SLC23A2: variants seen among roughly 807,000 people sequenced by gnomAD.
The protein encoded by SLC23A2 is Na(+)/L-ascorbic acid transporter 2.
Under a neutral mutation model 73.3 loss-of-function variants are expected in SLC23A2, and 36 were observed. That is an observed-to-expected ratio of 0.49 (90% confidence interval 0.38 to 0.65). The LOEUF (loss-of-function observed/expected upper bound fraction) is 0.65. SLC23A2 is among the 30% of genes least tolerant of loss of function. The probability of loss-of-function intolerance (pLI) is 0.00; values close to 1 mark genes in which losing one functional copy is unlikely to be tolerated. For synonymous variants in SLC23A2, 343 were observed against 327.3 expected (o/e 1.05, Z -0.52); for missense variants, 507 against 841.6 (o/e 0.60, Z 4.92).
intron 8 of SLC23A2, 50 bp downstream of exon 8, chr20:4,884,703 G>C (rs1278539406): frequency 7.8e-7 from 1 of 1,282,298 alleles, no homozygotes; most frequent in Admixed American, 1.7e-5. Context: ...CAACATTGAA[G>C]CTGAGAAGAA....
rs751863955 is a variant in SLC23A2 at position 4,932,463 on chromosome 20, T to C, written c.100A>G (p.Thr34Ala). The C allele has an allele frequency of 1.3e-6, 2 of 1,558,410 alleles. No individual in the cohort carries two copies. The highest frequency in any genetic ancestry group is 2.2e-5 in the South Asian group (2 of 89,996). Residue 34 changes from threonine (T) to alanine (A), a missense_variant, in exon 3 of 17, where the codon ACT (threonine) becomes GCT (alanine). Around this residue, in one of 5 missense-constraint regions of SLC23A2, gnomAD observed 78 missense variants for 86.7 expected, o/e 0.90. Transcript: ENST00000338244. ...EDEAKHPAFFTLPVVINGGAT... is the reference protein window; with the variant it reads ...EDEAKHPAFFALPVVINGGAT... ...ATGGGGAATATGATTACCGGAAGAG[T>C]GAAGAAAGCTGGGTGCTTTGCCTCG...
chr20:4,867,625 T>TAAAAAAAAAA (rs11476144), intron 13 of SLC23A2, 145 bp downstream of exon 13: 4 of 296,184 alleles, frequency 1.4e-5, no homozygotes, highest in African/African-American at 9.3e-5. Flanking sequence ...TATAAACACT[T>TAAAAAAAAAA]AAAAAAAAAA....
In SLC23A2 at chr20:4,991,720, T is replaced by TCG. The variant is rs1555809316; in HGVS notation, c.-282+9685_-282+9686insCG. The stretch of plus-strand genomic sequence containing the variant: ...CTGGGTGACAGAGAGAGACTCCGTT[T>TCG]CACACACACACACACACACACACAC... On this transcript the variant is annotated intron_variant, in intron 1 of 16. Coordinates refer to ENST00000338244, the MANE Select transcript of SLC23A2 (RefSeq NM_005116.6). Among the ~76,000 whole-genome samples the TCG allele has an allele frequency of 7.2e-5, 10 of 139,426 alleles. 1 individual carries two copies. In the South Asian group the frequency reaches 2.4e-3, roughly 33 times the overall value. 91.5% of individuals were successfully genotyped at this position (139,426 alleles called of 152,430 possible). A position where few individuals can be genotyped will look rare whatever the true frequency, so the allele number is the denominator to read the frequency against.
chr20:4,948,850 A>G (rs2087155799), intron 2 of SLC23A2, among the ~76,000 whole-genome samples: 1 of 152,194 alleles, frequency 6.6e-6, no homozygotes, highest in Admixed American at 6.5e-5. Flanking sequence ...GACATTTTTT[A>G]ATAACCCAAA....
chr20:4,989,347 A>T (rs1476071418), intron 1 of SLC23A2, among the ~76,000 whole-genome samples: 1 of 151,996 alleles, frequency 6.6e-6, no homozygotes, highest in African/African-American at 2.4e-5. Flanking sequence ...AATGCTTGGG[A>T]CCAGAAGTGT....
upstream of SLC23A2, among the ~76,000 whole-genome samples, chr20:5,006,307 C>A (rs1351543700): frequency 6.6e-6 from 1 of 151,848 alleles, no homozygotes; most frequent in Non-Finnish European, 1.5e-5. Flanking sequence ...CCATCTTGGC[C>A]AGGCTGGTAT....
intron 2 of SLC23A2, among the ~76,000 whole-genome samples, chr20:4,967,863 G>A (rs1568647163): frequency 6.6e-6 from 1 of 152,188 alleles, no homozygotes; most frequent in African/African-American, 2.4e-5. Flanking sequence ...AGCAGAATGG[G>A]TGTTCTCAGC....
At chr20:4,891,395 A>G (rs1343037689) in intron 6 of SLC23A2, among the ~76,000 whole-genome samples, 1 of 152,196 alleles carries the variant, frequency 6.6e-6, no homozygotes, top group Non-Finnish European at 1.5e-5. Context: ...CAGAAAAGCT[A>G]GAGTTGCAGG....
intron 11 of SLC23A2, among the ~76,000 whole-genome samples, chr20:4,871,446 A>G (rs983259018): frequency 6.6e-6 from 1 of 152,128 alleles, no homozygotes; most frequent in African/African-American, 2.4e-5. Flanking sequence ...GTTCTGGTGA[A>G]CGCAGAGCTC....
At chr20:4,928,958 G>A (rs962230592) in intron 3 of SLC23A2, among the ~76,000 whole-genome samples, 3 of 152,122 alleles carry the variant, frequency 2.0e-5, no homozygotes, top group African/African-American at 7.2e-5. Context: ...CCGTACGCAA[G>A]AAACATGTAT....
chr20:4,993,340 C>A (rs1488818933), intron 1 of SLC23A2, among the ~76,000 whole-genome samples: 1 of 134,932 alleles, frequency 7.4e-6, no homozygotes. Context: ...CTCACTGAAG[C>A]ATTCTGAATT....
At chr20:5,003,407 AAAC>A (rs372379838), upstream of SLC23A2, among the ~76,000 whole-genome samples, 198 of 152,208 alleles carry the variant, frequency 1.3e-3, 1 homozygote, top group South Asian at 0.011. Flanking sequence ...AACAAAACAA[AAAC>A]AACAACAACA....
chr20:4,923,529 A>T (rs536926732), intron 3 of SLC23A2, among the ~76,000 whole-genome samples: 2 of 152,198 alleles, frequency 1.3e-5, no homozygotes, highest in South Asian at 4.1e-4. Flanking sequence ...CAGAAATAGG[A>T]GAATTAAACC....
chr20:4,977,606 G>A (rs1252428712), intron 1 of SLC23A2, among the ~76,000 whole-genome samples: 2 of 151,290 alleles, frequency 1.3e-5, no homozygotes, highest in South Asian at 2.1e-4. Flanking sequence ...GCTGAGGCAG[G>A]AGAATCACCT....
chr20:4,864,343 C>A (rs371242731), intron 13 of SLC23A2, among the ~76,000 whole-genome samples: 11 of 152,178 alleles, frequency 7.2e-5, no homozygotes, highest in African/African-American at 1.9e-4. Flanking sequence ...TGCACAGAAC[C>A]CTCAAAGGAC....
chr20:4,959,907 A>G (rs1044870722), intron 2 of SLC23A2, among the ~76,000 whole-genome samples: 2 of 151,892 alleles, frequency 1.3e-5, no homozygotes, highest in African/African-American at 4.8e-5. Flanking sequence ...CCTCAGCCTC[A>G]TAAGTAGAGA....
chr20:4,917,189 T>G (rs929021299), intron 3 of SLC23A2, among the ~76,000 whole-genome samples: 1 of 151,626 alleles, frequency 6.6e-6, no homozygotes, highest in African/African-American at 2.4e-5. Context: ...AGAACAGGAG[T>G]GCCACAATCA....
intron 4 of SLC23A2, among the ~76,000 whole-genome samples, chr20:4,912,302 G>A (rs1345067265): frequency 6.6e-6 from 1 of 151,982 alleles, no homozygotes; most frequent in African/African-American, 2.4e-5. Flanking sequence ...GCACACTAAG[G>A]TGCCAAAGGT....
chr20:4,935,716 G>A (rs1050433891), intron 2 of SLC23A2, among the ~76,000 whole-genome samples: 3 of 152,084 alleles, frequency 2.0e-5, no homozygotes, highest in East Asian at 1.9e-4. Flanking sequence ...GGAGAATGGC[G>A]TGAACCTGGG....
Sources: gnomAD v4.1 joint callset for allele counts (sites outside exome capture counted in the v4.1 genomes callset) on GRCh38, gnomAD v4.1.1 for gene constraint, gnomAD v4.1.1 regional missense constraint, MANE v1.5 for transcripts, NCBI Gene and HGNC (gene_info 2026-07-23, HGNC 2026-07-21) for gene names.